The following PARD3B variants were observed in gnomAD, a reference collection of about 807,000 sequenced individuals.
PARD3B encodes the protein par-3 family cell polarity regulator beta, also known as partitioning defective 3 homolog B.
PARD3B carries 103 observed loss-of-function variants against 130.2 expected under a neutral mutation model. The ratio of observed to expected loss-of-function variants is 0.79; its 90% confidence interval spans 0.67 to 0.93. The LOEUF (loss-of-function observed/expected upper bound fraction) is 0.93. Ranked by LOEUF, PARD3B falls within the 40% of genes least tolerant of loss-of-function variation. PARD3B has a pLI of 0.00. For missense variants in PARD3B, 1,609 were observed against 1,499.2 expected (o/e 1.07, Z -1.21); for synonymous variants, 583 against 553.2 (o/e 1.05, Z -0.76).
intron 16 of PARD3B, among the ~76,000 whole-genome samples, chr2:205,254,224 G>T (rs755861786): frequency 2.0e-5 from 3 of 151,466 alleles, no homozygotes; most frequent in Non-Finnish European, 4.4e-5. Context: ...TCACCAAATG[G>T]CTGTCTAGCC....
chr2:205,469,362 A>G (rs1261776707), intron 20 of PARD3B, among the ~76,000 whole-genome samples: 1 of 152,022 alleles, frequency 6.6e-6, no homozygotes, highest in East Asian at 1.9e-4. Flanking sequence ...CTTCTGAATC[A>G]TGATGCCATG....
intron 4 of PARD3B, among the ~76,000 whole-genome samples, chr2:205,081,155 A>T (rs977676960): frequency 6.6e-6 from 1 of 151,996 alleles, no homozygotes; most frequent in Non-Finnish European, 1.5e-5. Context: ...TCCTTTATGG[A>T]TGGTGCTTTT....
At chr2:205,064,617 CT>C (rs1416019846) in intron 4 of PARD3B, among the ~76,000 whole-genome samples, 1 of 152,172 alleles carries the variant, frequency 6.6e-6, no homozygotes, top group African/African-American at 2.4e-5. Flanking sequence ...ATGTGGAAGA[CT>C]GCGCAGACAT....
At chr2:204,880,503 A>G (rs1356769108) in intron 2 of PARD3B, among the ~76,000 whole-genome samples, 1 of 151,788 alleles carries the variant, frequency 6.6e-6, no homozygotes, top group Non-Finnish European at 1.5e-5. Flanking sequence ...CTACTAAAAT[A>G]CAAAGAATTA....
intron 3 of PARD3B, among the ~76,000 whole-genome samples, chr2:205,024,414 A>G (rs1470872065): frequency 2.0e-5 from 3 of 151,764 alleles, no homozygotes; most frequent in Admixed American, 1.3e-4. Context: ...GGTGATCCAC[A>G]TGCCCCAGCC....
At chr2:204,551,418 G>T (rs573034950) in intron 1 of PARD3B, among the ~76,000 whole-genome samples, 1 of 152,172 alleles carries the variant, frequency 6.6e-6, no homozygotes, top group African/African-American at 2.4e-5. Flanking sequence ...GTGAGGATAA[G>T]TTATTGTCAT....
chr2:204,902,985 C>T (rs1038005467), intron 2 of PARD3B, among the ~76,000 whole-genome samples: 2 of 152,136 alleles, frequency 1.3e-5, no homozygotes, highest in South Asian at 2.1e-4. Context: ...TATCCTGTGG[C>T]TGTAGCAAGA....
intron 2 of PARD3B, among the ~76,000 whole-genome samples, chr2:204,940,098 C>CTAGG (rs1256300960): frequency 1.3e-5 from 2 of 152,168 alleles, no homozygotes; most frequent in Non-Finnish European, 2.9e-5. Flanking sequence ...GGAGAGCTTA[C>CTAGG]TAGGCTCTGT....
rs982039546 is a variant in PARD3B, at chr2:205,592,915, G to A, written c.3261-22541G>A. Among the ~76,000 whole-genome samples the A allele has an allele frequency of 6.6e-6, 1 of 152,280 alleles. No homozygotes were observed. The highest frequency in any genetic ancestry group is 2.4e-5 in the African/African-American group (1 of 41,482). ...GCAGATGCCCCATGGCACTGACTCAGCCTTGAGCAGAAGCACTGTGTTTTG... is the reference window on the plus strand; with the variant it reads ...GCAGATGCCCCATGGCACTGACTCAACCTTGAGCAGAAGCACTGTGTTTTG... On this transcript the variant is annotated intron_variant, in intron 22 of 22. Coordinates refer to ENST00000406610, the MANE Select transcript of PARD3B (RefSeq NM_001302769.2). The surrounding 1 kb of genome is among the most constrained non-coding windows in gnomAD (Gnocchi z 4.5).
rs547564350 is a variant in PARD3B at position 205,310,816 on chromosome 2, C to T, written c.2630+9115C>T. ...ACAGCTCACTGCAATCTCCGCCTCC[C>T]GGGTTCAAGTGATTCTCCTGCCTCA... On this transcript the variant is annotated intron_variant, in intron 18 of 22. Coordinates refer to ENST00000406610, the MANE Select transcript of PARD3B (RefSeq NM_001302769.2). 3.7e-4 allele frequency among the ~76,000 whole-genome samples: 55 copies of T among 149,966 alleles called. 1 individual carries two copies. The highest frequency in any genetic ancestry group is 1.2e-3 in the African/African-American group (50 of 40,686).
intron 3 of PARD3B, among the ~76,000 whole-genome samples, chr2:205,044,038 TG>T (rs1698579909): frequency 6.7e-6 from 1 of 149,438 alleles, no homozygotes; most frequent in South Asian, 2.2e-4. Context: ...TTCCCACCTA[TG>T]AGTGAGAATA....
At chr2:204,766,991 A>ATTTTTTTTTTTTTTTTTTTTTTT (rs141505640) in intron 2 of PARD3B, among the ~76,000 whole-genome samples, 1 of 98,676 alleles carries the variant, frequency 1.0e-5, no homozygotes, top group African/African-American at 3.7e-5. Context: ...CACATTTTTT[A>ATTTTTTTTTTTTTTTTTTTTTTT]TTTTATTTTT....
chr2:205,511,813 T>C (rs2050599398), intron 21 of PARD3B, among the ~76,000 whole-genome samples: 1 of 152,206 alleles, frequency 6.6e-6, no homozygotes, highest in African/African-American at 2.4e-5. Flanking sequence ...ACATAAGCCA[T>C]GTTTGTGTTC....
intron 15 of PARD3B, among the ~76,000 whole-genome samples, chr2:205,228,676 C>T (rs569063760): frequency 1.3e-5 from 2 of 151,970 alleles, no homozygotes; most frequent in African/African-American, 2.4e-5. Flanking sequence ...AAAAATTTAC[C>T]CTTTGGGTAA....
intron 20 of PARD3B, among the ~76,000 whole-genome samples, chr2:205,493,420 C>A (rs1303897239): frequency 6.6e-6 from 1 of 152,086 alleles, no homozygotes; most frequent in Non-Finnish European, 1.5e-5. Context: ...TCTTTAAACC[C>A]TTTTTGAGAA....
intron 2 of PARD3B, among the ~76,000 whole-genome samples, chr2:204,708,856 T>G (rs976986845): frequency 1.3e-5 from 2 of 152,224 alleles, no homozygotes; most frequent in East Asian, 3.8e-4. Flanking sequence ...GACAGTCATT[T>G]GTATAGAAAT....
rs1389068334 is a variant in PARD3B at position 205,158,626 on chromosome 2, T to G, written c.1435-96T>G. 4 of 1,251,638 alleles carry G rather than the reference T, an allele frequency of 3.2e-6. No homozygotes were observed. The highest frequency in any genetic ancestry group is 2.2e-6 in the Non-Finnish European group (2 of 893,912). The allele number at this position is 1,251,638 out of a possible 1,614,324, so 77.5% of individuals were successfully genotyped here. ...ACAGCTGTGAGAGGTCCAGTCATCC[T>G]GTCCTACTGATTGCATCTGTGTCTG... On this transcript the variant is annotated intron_variant, in intron 10 of 22. Coordinates refer to ENST00000406610, the MANE Select transcript of PARD3B (RefSeq NM_001302769.2). This position sits in a 1 kb window ranked among gnomAD's most constrained non-coding sequence, Gnocchi z 5.4.
intron 4 of PARD3B, among the ~76,000 whole-genome samples, chr2:205,054,893 G>GT (rs938839457): frequency 2.9e-4 from 44 of 151,896 alleles, no homozygotes; most frequent in Middle Eastern, 3.4e-3. Flanking sequence ...AAAATGAGTG[G>GT]TTTTTTTTCC....
chr2:204,697,910 T>C (rs969238048), intron 2 of PARD3B, among the ~76,000 whole-genome samples: 5 of 152,108 alleles, frequency 3.3e-5, no homozygotes, highest in Admixed American at 3.3e-4. Flanking sequence ...CAAAGAGAGA[T>C]TTGCTGAGTC....
Sources: gnomAD v4.1 joint callset for allele counts (sites outside exome capture counted in the v4.1 genomes callset) on GRCh38, gnomAD v4.1.1 for gene constraint, Gnocchi (gnomAD v3.1) non-coding constraint, MANE v1.5 for transcripts, NCBI Gene and HGNC (gene_info 2026-07-23, HGNC 2026-07-21) for gene names.